Variants in PRR13 observed in about 807,000 individuals in gnomAD.
The protein encoded by PRR13 is proline rich 13.
A neutral mutation model predicts 11.5 loss-of-function variants in PRR13; 7 were observed. The ratio of observed to expected loss-of-function variants is 0.61; its 90% confidence interval spans 0.34 to 1.14. PRR13 has a LOEUF of 1.14. Ranked by LOEUF, PRR13 falls within the 50% of genes most tolerant of loss-of-function variation. PRR13 has a pLI of 0.03. For synonymous variants in PRR13, 53 were observed against 67.8 expected (o/e 0.78, Z 1.07); for missense variants, 155 against 194.4 (o/e 0.80, Z 1.21).
chr12:53,443,014 G>C, intron 2 of PRR13: 1 of 386,402 alleles, frequency 2.6e-6, no homozygotes, highest in Non-Finnish European at 4.6e-6. Context: ...ATGCTATCAC[G>C]CCCGGCTACT....
chr12:53,445,433 T>G (rs1940384608), intron 3 of PRR13, among the ~76,000 whole-genome samples: 1 of 151,830 alleles, frequency 6.6e-6, no homozygotes, highest in South Asian at 2.1e-4. Context: ...CTGGAGAGAC[T>G]GAAAAATGTT....
chr12:53,445,911 T>C, intron 3 of PRR13, 104 bp from the exon 4 acceptor site: 1 of 1,553,994 alleles, frequency 6.4e-7, no homozygotes, highest in South Asian at 1.1e-5. Flanking sequence ...AAGCAAGGGA[T>C]ACTTGGGTGG....
In PRR13 at chr12:53,443,459, C is replaced by G; in HGVS notation, c.88C>G (p.Pro30Ala). 1.4e-6 allele frequency: 2 copies of G among 1,445,968 alleles called. No individual in the cohort carries two copies. Among genetic ancestry groups the G allele is most frequent in the Non-Finnish European group, 1.8e-6 (2 of 1,095,508 alleles). 89.6% of individuals were successfully genotyped at this position (1,445,968 alleles called of 1,614,324 possible). ...CPGGSNPAHP[P>A]PINPPFPPGP... The stretch of plus-strand genomic sequence containing the variant: ...TGGAGGTTCCAATCCTGCCCACCCA[C>G]CACCTATTAATCCACCCTTTCCCCC... The change falls in exon 3 of 4, where the codon CCA becomes GCA. Residue 30 changes from proline to alanine, a missense_variant. Pro to Ala is a conservative substitution (Grantham distance 27). Coordinates refer to ENST00000429243, the MANE Select transcript of PRR13 (RefSeq NM_018457.4).
chr12:53,444,752 G>T (rs1940368741), intron 3 of PRR13, among the ~76,000 whole-genome samples: 1 of 152,156 alleles, frequency 6.6e-6, no homozygotes, highest in South Asian at 2.1e-4. Context: ...GGAATTATTA[G>T]CTGGGTGTGG....
chr12:53,442,912 GTC>G (rs35565249), intron 2 of PRR13, 179 bp downstream of exon 2: 86,087 of 512,740 alleles, frequency 0.17, 7,784 homozygotes, highest in Admixed American at 0.24. Context: ...TTGAGATGGA[GTC>G]TCTGTTGCCC....
At chr12:53,445,701 G>C (rs2136992426) in intron 3 of PRR13, among the ~76,000 whole-genome samples, 1 of 152,322 alleles carries the variant, frequency 6.6e-6, no homozygotes, top group East Asian at 1.9e-4. Flanking sequence ...TACTATGCTT[G>C]TGCCTGTAAT....
chr12:53,441,850 C>T, intron 1 of PRR13, 58 bp downstream of exon 1: 2 of 702,046 alleles, frequency 2.8e-6, no homozygotes, highest in East Asian at 2.7e-5. Flanking sequence ...GGTCAAGAGT[C>T]TCTTCGCAGC....
chr12:53,443,980 G>C, intron 3 of PRR13: 3 of 697,994 alleles, frequency 4.3e-6, no homozygotes, highest in Non-Finnish European at 7.0e-6. Context: ...TCTCCTATCT[G>C]GGGGGAGTTA....
intron 3 of PRR13, among the ~76,000 whole-genome samples, chr12:53,445,332 G>T (rs984325202): frequency 6.8e-6 from 1 of 147,314 alleles, no homozygotes; most frequent in Non-Finnish European, 1.5e-5. Flanking sequence ...TGGGCAACTG[G>T]GTGAAACTCC....
At chr12:53,445,175 C>T (rs1377116964) in intron 3 of PRR13, among the ~76,000 whole-genome samples, 7 of 151,758 alleles carry the variant, frequency 4.6e-5, no homozygotes, top group African/African-American at 1.7e-4. Flanking sequence ...CATGGTGAAA[C>T]CTGTCTACTA....
At position 53,443,749 on chromosome 12, in the gene PRR13, C is replaced by G; in HGVS notation, c.378C>G (p.His126Gln). The G allele has an allele frequency of 6.2e-7, 1 of 1,606,746 alleles. No individual in the cohort carries two copies. Among genetic ancestry groups the G allele is most frequent in the Non-Finnish European group, 8.5e-7 (1 of 1,176,454 alleles). Residue 126 changes from histidine to glutamine, a missense_variant, in exon 3 of 4, where the codon CAC (histidine) becomes CAG (glutamine). His to Gln is a conservative substitution (Grantham distance 24). Coordinates refer to ENST00000429243, the MANE Select transcript of PRR13 (RefSeq NM_018457.4). ...AAAAGATGCACAAGCACCAAAAGCA[C>G]CACAAGTACCACAAGCATGGCAAGG... is the stretch of plus-strand genomic sequence containing the variant. ...AHKKMHKHQK[H>Q]HKYHKHGKHS...
In PRR13 at chr12:53,443,541, G is replaced by T. The variant is rs756675194; in HGVS notation, c.170G>T (p.Gly57Val). ...CATGGCAATCCAGCTTTCCCCCCAG[G>T]TGGGCCCCCTCATCCTGTGCCACAG... ...APHGNPAFPPGGPPHPVPQPG... is the reference protein window; with the variant it reads ...APHGNPAFPPVGPPHPVPQPG... Residue 57 changes from glycine (G) to valine (V), a missense_variant, in exon 3 of 4, where the codon GGT (glycine) becomes GTT (valine). Coordinates refer to ENST00000429243, the MANE Select transcript of PRR13 (RefSeq NM_018457.4). 2.2e-5 allele frequency: 34 copies of T among 1,570,552 alleles called. No individual in the cohort carries two copies. Among genetic ancestry groups the T allele is most frequent in the Admixed American group, 5.6e-5 (3 of 53,878 alleles).
Position 53,444,043 on chromosome 12 carries a change from A to G in PRR13, c.402+270A>G, listed in dbSNP as rs956461804. 13 of 495,490 alleles carry G rather than the reference A, an allele frequency of 2.6e-5. No individual in the cohort carries two copies. The Admixed American group carries it at 2.8e-4, about 11-fold the overall frequency. 30.7% of individuals were successfully genotyped at this position (495,490 alleles called of 1,614,324 possible). Reference sequence around the variant, plus strand: ...TCAAAAGCCAAATCTTTTCTGCCCTACTCTCCCAGAACTTTTGCTCCCCTC... The same window carrying G: ...TCAAAAGCCAAATCTTTTCTGCCCTGCTCTCCCAGAACTTTTGCTCCCCTC... On this transcript the variant is annotated intron_variant, in intron 3 of 3. Transcript: ENST00000429243.
intron 1 of PRR13, 92 bp downstream of exon 1, chr12:53,441,884 CT>C: frequency 2.9e-6 from 2 of 694,444 alleles, no homozygotes; most frequent in South Asian, 1.5e-5. Context: ...CTTCATTTGC[CT>C]TTTTTCTTTT....
chr12:53,445,516 C>T (rs1940385951), intron 3 of PRR13, among the ~76,000 whole-genome samples: 1 of 152,132 alleles, frequency 6.6e-6, no homozygotes, highest in South Asian at 2.1e-4. Context: ...CCTTTTCTTA[C>T]ACCTTCCCCA....
intron 2 of PRR13, chr12:53,442,992 G>A: frequency 2.5e-6 from 1 of 406,366 alleles, no homozygotes; most frequent in South Asian, 5.8e-5. Context: ...GAGTAGCTGA[G>A]ATTACAGACG....
chr12:53,444,490 C>A (rs992134470), intron 3 of PRR13, among the ~76,000 whole-genome samples: 1 of 152,084 alleles, frequency 6.6e-6, no homozygotes, highest in African/African-American at 2.4e-5. Flanking sequence ...CCACCGCGCC[C>A]GGCTAATTCT....
chr12:53,444,134 C>A, intron 3 of PRR13: 1 of 387,798 alleles, frequency 2.6e-6, no homozygotes, highest in Non-Finnish European at 4.6e-6. Flanking sequence ...CAAAGTCATT[C>A]CTTTGACAAA....
chr12:53,445,440 T>C (rs1017137073), intron 3 of PRR13, among the ~76,000 whole-genome samples: 2 of 150,778 alleles, frequency 1.3e-5, no homozygotes, highest in Non-Finnish European at 3.0e-5. Flanking sequence ...GACTGAAAAA[T>C]GTTTTTATTT....
Sources: allele counts gnomAD v4.1 joint callset (sites outside exome capture counted in the v4.1 genomes callset), GRCh38; gene constraint gnomAD v4.1.1; transcripts MANE v1.5; gene names NCBI Gene and HGNC (gene_info 2026-07-23, HGNC 2026-07-21).